The following NTM variants were observed in gnomAD, a reference collection of about 807,000 sequenced individuals.
NTM encodes IgLON family member 2.
NTM carries 13 observed loss-of-function variants against 42.1 expected under a neutral mutation model. The observed-to-expected ratio is 0.31, with a 90% CI of 0.20 to 0.49. The LOEUF (loss-of-function observed/expected upper bound fraction) is 0.49. Among genes scored for constraint, NTM ranks in the 20% least tolerant of loss-of-function variants. The probability of loss-of-function intolerance (pLI) is 0.99; values close to 1 mark genes in which losing one functional copy is unlikely to be tolerated. For missense variants in NTM, 373 were observed against 452.8 expected (o/e 0.82, Z 1.60); for synonymous variants, 187 against 179.2 (o/e 1.04, Z -0.35).
intron 1 of NTM, among the ~76,000 whole-genome samples, chr11:131,622,004 A>C (rs1391013420): frequency 6.6e-6 from 1 of 152,168 alleles, no homozygotes; most frequent in Admixed American, 6.5e-5. Flanking sequence ...AAAGTACATG[A>C]GCCAGGAAAG....
chr11:131,417,659 A>C (rs1422925383), intron 1 of NTM, among the ~76,000 whole-genome samples: 1 of 152,198 alleles, frequency 6.6e-6, no homozygotes, highest in Non-Finnish European at 1.5e-5. Flanking sequence ...TGAGGTGTTC[A>C]GTTTGGCAAT....
At chr11:132,213,486 C>T (rs531817224) in intron 4 of NTM, among the ~76,000 whole-genome samples, 15 of 152,196 alleles carry the variant, frequency 9.9e-5, no homozygotes, top group African/African-American at 3.4e-4. Flanking sequence ...GGCTGACCAC[C>T]GAGGGCTATC....
chr11:131,748,362 T>A (rs1443354752), intron 1 of NTM, among the ~76,000 whole-genome samples: 1 of 152,146 alleles, frequency 6.6e-6, no homozygotes, highest in African/African-American at 2.4e-5. Context: ...CCGGCAGGGG[T>A]CAGTGCAGCT....
intron 1 of NTM, among the ~76,000 whole-genome samples, chr11:131,760,533 A>ATCTGTTCCGT (rs2083992615): frequency 6.6e-6 from 1 of 152,202 alleles, no homozygotes. Context: ...TCCTTAAAAC[A>ATCTGTTCCGT]TCTGTTCCGT....
chr11:131,678,771 C>A (rs552605120), intron 1 of NTM, among the ~76,000 whole-genome samples: 26 of 152,164 alleles, frequency 1.7e-4, no homozygotes, highest in Admixed American at 6.5e-4. Context: ...ATGACTGAGC[C>A]TCTCGTGTCT....
At chr11:131,869,283 C>G (rs1172157674) in intron 1 of NTM, among the ~76,000 whole-genome samples, 1 of 152,238 alleles carries the variant, frequency 6.6e-6, no homozygotes, top group Non-Finnish European at 1.5e-5. Flanking sequence ...TTCTCCCCGC[C>G]TACGCGCTAT....
At chr11:131,866,009 ATGC>A (rs796452195) in intron 1 of NTM, among the ~76,000 whole-genome samples, 9,567 of 68,810 alleles carry the variant, frequency 0.14, 1,910 homozygotes, top group East Asian at 0.48. Context: ...ACATACACAC[ATGC>A]CACACTCTCA....
At chr11:132,246,136 AG>A (rs531106296) in intron 4 of NTM, among the ~76,000 whole-genome samples, 206 of 152,338 alleles carry the variant, frequency 1.4e-3, no homozygotes, top group Non-Finnish European at 2.4e-3. Context: ...TGTGCCCTGC[AG>A]GAGAATCCCA....
chr11:132,107,339 CTT>C (rs780844735), intron 2 of NTM, among the ~76,000 whole-genome samples: 268 of 88,794 alleles, frequency 3.0e-3, no homozygotes, highest in African/African-American at 5.7e-3. Context: ...AAGATTTATC[CTT>C]TTTTTTTTTT....
chr11:131,879,239 A>C (rs2049082443), intron 1 of NTM, among the ~76,000 whole-genome samples: 4 of 152,210 alleles, frequency 2.6e-5, no homozygotes, highest in African/African-American at 7.2e-5. Flanking sequence ...GGCCCATCCC[A>C]GGGGTGCATC....
At chr11:131,831,204 C>A (rs1261349730) in intron 1 of NTM, among the ~76,000 whole-genome samples, 1 of 152,024 alleles carries the variant, frequency 6.6e-6, no homozygotes, top group Non-Finnish European at 1.5e-5. Context: ...CTGGGACTCA[C>A]TTTTAAAATT....
chr11:132,183,450 C>T (rs1210297079), intron 3 of NTM, among the ~76,000 whole-genome samples: 1 of 152,080 alleles, frequency 6.6e-6, no homozygotes, highest in East Asian at 2.0e-4. Flanking sequence ...TCATTTTTTT[C>T]TGAAGGAATT....
chr11:132,270,720 A>C (rs2139683078), intron 4 of NTM, among the ~76,000 whole-genome samples: 1 of 151,416 alleles, frequency 6.6e-6, no homozygotes, highest in African/African-American at 2.4e-5. Flanking sequence ...AGTGTATGTT[A>C]AGATATAAAA....
intron 6 of NTM, among the ~76,000 whole-genome samples, chr11:132,310,690 G>A (rs987792327): frequency 2.6e-5 from 4 of 152,102 alleles, no homozygotes; most frequent in South Asian, 2.1e-4. Flanking sequence ...TATCAGTAGC[G>A]GTGTATAAGA....
chr11:131,592,821 T>A (rs908142), intron 1 of NTM, among the ~76,000 whole-genome samples: 18,483 of 152,018 alleles, frequency 0.12, 1,259 homozygotes, highest in African/African-American at 0.18. Flanking sequence ...AGGTCCCCTC[T>A]CCCTGGCCCC....
intron 2 of NTM, among the ~76,000 whole-genome samples, chr11:131,928,317 G>A (rs933586419): frequency 2.6e-5 from 4 of 152,176 alleles, no homozygotes; most frequent in African/African-American, 9.7e-5. Flanking sequence ...CTTAAGGATT[G>A]TACCTGGCAT....
rs183552138 is a variant in NTM at position 131,814,500 on chromosome 11, T to G, written c.83-97064T>G. On this transcript the variant is annotated intron_variant, in intron 1 of 8. Transcript: ENST00000683400. ...TGGAACCTTTCCATACGGTTTCAGA[T>G]GGCAGTACATTTTCATTCCTCAACT... Among the ~76,000 whole-genome samples the G allele has an allele frequency of 1.9e-4, 29 of 152,216 alleles. 1 individual carries two copies. Among genetic ancestry groups the G allele is most frequent in the African/African-American group, 6.3e-4 (26 of 41,538 alleles).
intron 2 of NTM, among the ~76,000 whole-genome samples, chr11:132,125,161 C>G (rs900841867): frequency 8.5e-5 from 13 of 152,208 alleles, no homozygotes; most frequent in African/African-American, 2.9e-4. Context: ...GGGATGCAAA[C>G]AAAGATGAGG....
At position 131,415,389 on chromosome 11, in the gene NTM, C is replaced by T. The variant is rs142644648; in HGVS notation, c.82+44501C>T. Among the ~76,000 whole-genome samples, 54 of 152,276 alleles carry T rather than the reference C, an allele frequency of 3.5e-4. No homozygotes were observed. In the East Asian group the frequency reaches 6.9e-3, roughly 20 times the overall value. ...TGGTGAGCACACACTGAATGCTATT[C>T]GTCTAAGCTGACAAACTCTTCTCCA... is the stretch of plus-strand genomic sequence containing the variant. On this transcript the variant is annotated intron_variant, in intron 1 of 8. Transcript: ENST00000683400.
Sources: allele counts gnomAD v4.1 joint callset (sites outside exome capture counted in the v4.1 genomes callset), GRCh38; gene constraint gnomAD v4.1.1; transcripts MANE v1.5; gene names NCBI Gene and HGNC (gene_info 2026-07-23, HGNC 2026-07-21).